DOCK1: variants seen among roughly 807,000 people sequenced by gnomAD.
DOCK1 encodes the protein dedicator of cytokinesis 1.
In DOCK1, 138 loss-of-function variants were observed where a neutral mutation model predicts 262.7. The observed-to-expected ratio is 0.53, with a 90% CI of 0.46 to 0.61. DOCK1 has a LOEUF of 0.61. Ranked by LOEUF, DOCK1 falls within the 20% of genes least tolerant of loss-of-function variation. The pLI, the probability that DOCK1 is intolerant of heterozygous loss-of-function variation, is 0.00. For missense variants in DOCK1, 1,908 were observed against 2,370.7 expected (o/e 0.80, Z 4.05); for synonymous variants, 866 against 867.4 (o/e 1.00, Z 0.03).
At position 127,362,059 on chromosome 10, in the gene DOCK1, C is replaced by T. The variant is rs2064489399; in HGVS notation, c.3284-5C>T. On this transcript the variant is annotated splice_region_variant and splice_polypyrimidine_tract_variant and intron_variant, in intron 32 of 51. Transcript: ENST00000623213. ...TTTCTGAATATTGTACCTCTTTTTT[C>T]CAAGGTCAACACAAGATAAAGTTCA... 6.3e-7 allele frequency: 1 copy of T among 1,591,900 alleles called. No individual in the cohort carries two copies. Among genetic ancestry groups the T allele is most frequent in the Non-Finnish European group, 8.5e-7 (1 of 1,172,768 alleles).
At chr10:127,196,841 C>T (rs535582925) in intron 27 of DOCK1, among the ~76,000 whole-genome samples, 64 of 152,146 alleles carry the variant, frequency 4.2e-4, no homozygotes, top group Non-Finnish European at 6.8e-4. Context: ...GCTGCATGGC[C>T]CGGGAACTTG....
intron 24 of DOCK1, among the ~76,000 whole-genome samples, 180 bp from the exon 25 acceptor site, chr10:127,110,068 G>A (rs2048773286): frequency 6.6e-6 from 1 of 152,112 alleles, no homozygotes. Flanking sequence ...AAGTGAAAAC[G>A]AACACTTTCA....
intron 38 of DOCK1, chr10:127,402,744 G>A (rs532151591): frequency 4.9e-5 from 27 of 553,862 alleles, no homozygotes; most frequent in African/African-American, 3.2e-4. Flanking sequence ...GACGGGCTTC[G>A]GGCCACAGCT....
chr10:127,151,270 A>G (rs1156577743), intron 27 of DOCK1, among the ~76,000 whole-genome samples: 1 of 152,142 alleles, frequency 6.6e-6, no homozygotes, highest in Non-Finnish European at 1.5e-5. Context: ...TTTGAATACT[A>G]GTTCATTTCT....
intron 33 of DOCK1, among the ~76,000 whole-genome samples, chr10:127,370,296 G>A (rs1590743908): frequency 6.6e-6 from 1 of 152,142 alleles, no homozygotes; most frequent in South Asian, 2.1e-4. Flanking sequence ...AATGTACTTA[G>A]CAGATCATGT....
chr10:127,368,841 ATTCCATT>A (rs1371013168), intron 33 of DOCK1, among the ~76,000 whole-genome samples: 1 of 152,230 alleles, frequency 6.6e-6, no homozygotes, highest in African/African-American at 2.4e-5. Flanking sequence ...TTTTTAAAGA[ATTCCATT>A]TGTTACGCCT....
At chr10:126,966,992 C>T (rs967197074) in intron 1 of DOCK1, among the ~76,000 whole-genome samples, 3 of 152,114 alleles carry the variant, frequency 2.0e-5, no homozygotes, top group Non-Finnish European at 2.9e-5. Context: ...AAGATGGACT[C>T]GACCAGGGAG....
chr10:127,304,897 A>G (rs1389150396), intron 29 of DOCK1, among the ~76,000 whole-genome samples: 16 of 152,058 alleles, frequency 1.1e-4, no homozygotes. Flanking sequence ...AAACAAAACA[A>G]CAACAACAAA....
chr10:127,232,497 G>T (rs953014320), intron 27 of DOCK1, among the ~76,000 whole-genome samples: 1 of 152,026 alleles, frequency 6.6e-6, no homozygotes, highest in Non-Finnish European at 1.5e-5. Context: ...GTCCACATTC[G>T]TACTGCAGTT....
chr10:126,919,263 C>T (rs1157887628), intron 1 of DOCK1, among the ~76,000 whole-genome samples: 2 of 152,044 alleles, frequency 1.3e-5, no homozygotes, highest in African/African-American at 2.4e-5. Context: ...TTTTATTTTT[C>T]GAAAATAATA....
At position 127,433,342 on chromosome 10, in the gene DOCK1, G is replaced by T; in HGVS notation, c.4974G>T (p.Thr1658=). 4.3e-6 allele frequency: 7 copies of T among 1,613,908 alleles called. No homozygotes were observed. Among genetic ancestry groups the T allele is most frequent in the Non-Finnish European group, 5.9e-6 (7 of 1,179,902 alleles). Residue 1658 remains threonine, a synonymous_variant, in exon 48 of 52, where the codon ACG becomes ACT. Coordinates refer to ENST00000623213, the MANE Select transcript of DOCK1 (RefSeq NM_001290223.2). ...SRPRSMVRSF[T]MPSSSRPLSV... ...CCCGGTCCATGGTGCGGTCCTTCAC[G>T]ATGCCTTCCTCATCCCGCCCTCTGT...
intron 27 of DOCK1, chr10:127,192,850 A>G (rs2056849575): frequency 6.6e-6 from 1 of 152,206 alleles, no homozygotes; most frequent in African/African-American, 2.4e-5. Flanking sequence ...CAGGGTCCCT[A>G]TAGTTTGGTT....
chr10:126,985,931 G>A (rs767685953), intron 4 of DOCK1, among the ~76,000 whole-genome samples: 4 of 152,092 alleles, frequency 2.6e-5, no homozygotes, highest in South Asian at 2.1e-4. Flanking sequence ...TGCAACTTCC[G>A]TCTCCCGGGT....
intron 25 of DOCK1, among the ~76,000 whole-genome samples, chr10:127,115,633 C>G (rs949795569): frequency 8.5e-5 from 13 of 152,120 alleles, no homozygotes; most frequent in Non-Finnish European, 1.6e-4. Flanking sequence ...CACTAGAACA[C>G]TGACGTTTAG....
At chr10:127,102,765 G>C (rs576297048) in intron 23 of DOCK1, among the ~76,000 whole-genome samples, 1 of 152,152 alleles carries the variant, frequency 6.6e-6, no homozygotes, top group East Asian at 1.9e-4. Flanking sequence ...ACGTGAACCC[G>C]GGGGGTGGAA....
intron 27 of DOCK1, among the ~76,000 whole-genome samples, chr10:127,241,337 A>T (rs1029447663): frequency 6.6e-6 from 1 of 151,976 alleles, no homozygotes; most frequent in Non-Finnish European, 1.5e-5. Context: ...TAACAATAAT[A>T]ATTATTATTA....
At chr10:127,116,067 CTAGA>C in intron 25 of DOCK1, among the ~76,000 whole-genome samples, 1 of 152,210 alleles carries the variant, frequency 6.6e-6, no homozygotes, top group African/African-American at 2.4e-5. Context: ...GTTGGATACT[CTAGA>C]TAGATTGCTT....
chr10:127,376,943 C>T (rs1015860311), intron 35 of DOCK1, among the ~76,000 whole-genome samples: 34 of 152,186 alleles, frequency 2.2e-4, no homozygotes, highest in African/African-American at 7.7e-4. Context: ...CTAATGTGAA[C>T]CTGTGTTCCT....
chr10:127,264,664 AT>A (rs111515696), intron 29 of DOCK1, among the ~76,000 whole-genome samples: 225 of 146,882 alleles, frequency 1.5e-3, no homozygotes, highest in Middle Eastern at 7.0e-3. Flanking sequence ...TACAATGTAG[AT>A]TTTTTTTTTT....
Sources: gnomAD v4.1 joint callset for allele counts (sites outside exome capture counted in the v4.1 genomes callset) on GRCh38, gnomAD v4.1.1 for gene constraint, MANE v1.5 for transcripts, NCBI Gene and HGNC (gene_info 2026-07-23, HGNC 2026-07-21) for gene names.